Variants in INTS3 observed in about 807,000 individuals in gnomAD.
The protein encoded by INTS3 is SOSS complex subunit A.
Under a neutral mutation model 146.3 loss-of-function variants are expected in INTS3, and 34 were observed. That is an observed-to-expected ratio of 0.23 (90% CI 0.18 to 0.31). The LOEUF is 0.31. Ranked by LOEUF, INTS3 falls within the 10% of genes least tolerant of loss-of-function variation. INTS3 has a pLI of 1.00. For missense variants in INTS3, 757 were observed against 1,304.2 expected (o/e 0.58, Z 6.46); for synonymous variants, 475 against 494.9 (o/e 0.96, Z 0.53).
intron 3 of INTS3, among the ~76,000 whole-genome samples, chr1:153,745,654 T>TG (rs1376209778): frequency 7.7e-6 from 1 of 129,742 alleles, no homozygotes; most frequent in Non-Finnish European, 1.6e-5. Context: ...AGAGACAGAG[T>TG]GAAAAAAAAA....
At chr1:153,755,741 T>A (rs1672135469) in intron 9 of INTS3, among the ~76,000 whole-genome samples, 1 of 152,172 alleles carries the variant, frequency 6.6e-6, no homozygotes. Flanking sequence ...CAGGACTAGG[T>A]ATGATAAAAA....
At chr1:153,761,732 C>T in intron 14 of INTS3, 56 bp downstream of exon 14, 1 of 1,218,474 alleles carries the variant, frequency 8.2e-7, no homozygotes, top group East Asian at 2.4e-5. Flanking sequence ...GACAACCAGG[C>T]CTTCAGGCCA....
chr1:153,728,712 G>GGGAGCA lies in INTS3; in HGVS notation c.84_89dup (p.Gly29_Ala30dup), dbSNP rs1557982870. 6.2e-7 allele frequency: 1 copy of GGGAGCA among 1,609,420 alleles called. No individual in the cohort carries two copies. Among genetic ancestry groups the GGGAGCA allele is most frequent in the Non-Finnish European group, 8.5e-7 (1 of 1,177,748 alleles). On this transcript the variant is annotated inframe_insertion, in exon 1 of 30. Coordinates refer to ENST00000318967, the MANE Select transcript of INTS3 (RefSeq NM_023015.5). ...CAGCGGGAGGTGGAGGAGGAGGAGC[G>GGGAGCA]GGAGCAGGAGCCCCAGGAGGGGGGA...
At chr1:153,771,579 G>T (rs550042270) in intron 25 of INTS3, among the ~76,000 whole-genome samples, 2 of 152,194 alleles carry the variant, frequency 1.3e-5, no homozygotes, top group African/African-American at 4.8e-5. Flanking sequence ...ACACGCACAC[G>T]CCTTCTCCTA....
At chr1:153,756,641 C>T (rs1672172840) in intron 9 of INTS3, among the ~76,000 whole-genome samples, 1 of 151,984 alleles carries the variant, frequency 6.6e-6, no homozygotes, top group Non-Finnish European at 1.5e-5. Context: ...CATGGTGAAA[C>T]CCCGTCTCTA....
At position 153,754,686 on chromosome 1, in the gene INTS3, G is replaced by C; in HGVS notation, c.904G>C (p.Ala302Pro). ...LQSRTSRKFLACRLTPDMETK... is the reference protein window; with the variant it reads ...LQSRTSRKFLPCRLTPDMETK... ...GTCAAGAACATCCCGAAAATTCCTA[G>C]CATGTCGTCTAACCCCGGACATGGA... Residue 302 changes from alanine (A) to proline (P), a missense_variant, in exon 9 of 30, where the codon GCA becomes CCA. By Grantham distance (27) the Ala-to-Pro change is conservative. This residue lies in a region of INTS3 where 134 missense variants were observed against 243.1 expected (regional missense o/e 0.55). Coordinates refer to ENST00000318967, the MANE Select transcript of INTS3 (RefSeq NM_023015.5). 1 of 1,613,722 alleles carries C rather than the reference G, an allele frequency of 6.2e-7. No homozygotes were observed.
Position 153,773,359 on chromosome 1 carries a change from G to C in INTS3, c.*89G>C. ...TAATAGAGGCTGAGGAGATTGCAGG[G>C]GAAACACCCTTGCTGCATCCCCAAG... On this transcript the variant is annotated 3_prime_UTR_variant, in exon 30 of 30. Coordinates refer to ENST00000318967, the MANE Select transcript of INTS3 (RefSeq NM_023015.5). The C allele has an allele frequency of 2.4e-6, 3 of 1,248,956 alleles. No homozygotes were observed. The highest frequency in any genetic ancestry group is 2.4e-6 in the Non-Finnish European group (2 of 849,938). 77.4% of individuals were successfully genotyped at this position (1,248,956 alleles called of 1,614,324 possible).
At chr1:153,744,232 G>A (rs1671645871) in intron 3 of INTS3, among the ~76,000 whole-genome samples, 1 of 152,220 alleles carries the variant, frequency 6.6e-6, no homozygotes, top group African/African-American at 2.4e-5. Flanking sequence ...GAACTAGGCA[G>A]ACAGTATCTG....
chr1:153,754,801 C>A, intron 9 of INTS3, 62 bp downstream of exon 9: 1 of 1,038,784 alleles, frequency 9.6e-7, no homozygotes, highest in Non-Finnish European at 1.5e-6. Flanking sequence ...TTGCTTCGGT[C>A]TGTGGAGCTG....
At chr1:153,744,038 CGTGTGTGT>C (rs200825280) in intron 3 of INTS3, among the ~76,000 whole-genome samples, 1,919 of 142,118 alleles carry the variant, frequency 0.014, 16 homozygotes, top group Non-Finnish European at 0.014. Context: ...TGTGCATGTG[CGTGTGTGT>C]GTGTGTGTGT....
At chr1:153,746,729 G>A in intron 3 of INTS3, 1 of 494,754 alleles carries the variant, frequency 2.0e-6, no homozygotes, top group Non-Finnish European at 3.6e-6. Flanking sequence ...CCTCATTAAA[G>A]GATAACCAGT....
chr1:153,738,110 C>A (rs981916414), intron 1 of INTS3, among the ~76,000 whole-genome samples: 7 of 151,946 alleles, frequency 4.6e-5, no homozygotes, highest in African/African-American at 1.7e-4. Flanking sequence ...TATATCATAA[C>A]TAAAAACATT....
chr1:153,737,679 A>G (rs1671354060), intron 1 of INTS3, among the ~76,000 whole-genome samples: 1 of 152,100 alleles, frequency 6.6e-6, no homozygotes, highest in South Asian at 2.1e-4. Flanking sequence ...TTGTATTTTT[A>G]GTAGAGACGG....
chr1:153,742,990 G>A (rs1671596156), intron 3 of INTS3, among the ~76,000 whole-genome samples: 1 of 152,174 alleles, frequency 6.6e-6, no homozygotes, highest in African/African-American at 2.4e-5. Context: ...TTCAGACAAA[G>A]GCAGTAAAGA....
At chr1:153,758,258 GC>G (rs761441824) in intron 10 of INTS3, among the ~76,000 whole-genome samples, 4 of 152,136 alleles carry the variant, frequency 2.6e-5, no homozygotes, top group Non-Finnish European at 5.9e-5. Flanking sequence ...GCATCTGGCT[GC>G]CCCCTGACCT....
intron 6 of INTS3, among the ~76,000 whole-genome samples, chr1:153,749,718 T>C (rs908514716): frequency 1.3e-5 from 2 of 152,266 alleles, no homozygotes; most frequent in Non-Finnish European, 2.9e-5. Flanking sequence ...TGTTCCTTTT[T>C]ACTGTCCTGG....
In INTS3 at chr1:153,771,853, G is replaced by T; in HGVS notation, c.2610G>T (p.Gln870His). The stretch of plus-strand genomic sequence containing the variant: ...GCCGGCCCTGCCATCCTGACGACCA[G>T]TTCACCACCAGCATCCTGCGGCACT... The part of the protein sequence containing the change: ...VLSRPCHPDD[Q>H]FTTSILRHWC... The change falls in exon 26 of 30, where the codon CAG becomes CAT. Residue 870 changes from glutamine (Q) to histidine (H), a missense_variant. By Grantham distance (24) the Gln-to-His change is conservative. This residue lies in a region of INTS3 where 116 missense variants were observed against 226.5 expected (regional missense o/e 0.51). Transcript: ENST00000318967. The T allele has an allele frequency of 6.2e-7, 1 of 1,614,100 alleles. No individual in the cohort carries two copies. The highest frequency in any genetic ancestry group is 8.5e-7 in the Non-Finnish European group (1 of 1,180,028).
intron 4 of INTS3, 102 bp downstream of exon 4, chr1:153,747,172 C>T (rs1009479171): frequency 2.4e-6 from 3 of 1,241,502 alleles, no homozygotes; most frequent in East Asian, 2.3e-5. Flanking sequence ...ACACCCCTAT[C>T]ATTGTGTGTC....
chr1:153,732,950 C>G, intron 1 of INTS3, among the ~76,000 whole-genome samples: 1 of 150,380 alleles, frequency 6.6e-6, no homozygotes, highest in Non-Finnish European at 1.5e-5. Context: ...AGTAAAGGCA[C>G]GCACCACCAT....
Sources: allele counts gnomAD v4.1 joint callset (sites outside exome capture counted in the v4.1 genomes callset), GRCh38; gene constraint gnomAD v4.1.1; regional missense constraint gnomAD v4.1.1; transcripts MANE v1.5; gene names NCBI Gene and HGNC (gene_info 2026-07-23, HGNC 2026-07-21).